Variants in SBNO2 observed in about 807,000 individuals in gnomAD.
The protein encoded by SBNO2 is protein strawberry notch homolog 2.
A neutral mutation model predicts 146.3 loss-of-function variants in SBNO2; 89 were observed. The observed-to-expected ratio is 0.61, with a 90% CI of 0.51 to 0.73. The LOEUF (loss-of-function observed/expected upper bound fraction) is 0.73. Among genes scored for constraint, SBNO2 ranks in the 30% least tolerant of loss-of-function variants. SBNO2 has a pLI of 0.00. For missense variants in SBNO2, 2,092 were observed against 2,003.7 expected (o/e 1.04, Z -0.84); for synonymous variants, 1,147 against 892.6 (o/e 1.29, Z -5.08).
chr19:1,128,068 G>A (rs1034020092), intron 4 of SBNO2: 8 of 524,376 alleles, frequency 1.5e-5, no homozygotes, highest in African/African-American at 5.7e-5. Flanking sequence ...TGCCTGCTTC[G>A]GCATCCAAAA....
intron 1 of SBNO2, chr19:1,154,985 C>T (rs746822355): frequency 1.3e-5 from 2 of 152,320 alleles, no homozygotes; most frequent in Admixed American, 1.3e-4. Flanking sequence ...GCTACAGAGC[C>T]GAGCCCCACA....
Position 1,150,450 on chromosome 19 carries a change from A to C in SBNO2, c.94-1008T>G, listed in dbSNP as rs577614529. ...AGACCCTGCCGTCACAGACGCCCCC[A>C]CAGTCACGGGGGAGACCCTGCCGTC... On this transcript the variant is annotated intron_variant, in intron 2 of 31. Coordinates refer to ENST00000361757, the MANE Select transcript of SBNO2 (RefSeq NM_014963.3). This position sits in a 1 kb window ranked among gnomAD's most constrained non-coding sequence, Gnocchi z 6.2. Among the ~76,000 whole-genome samples, 49 of 151,360 alleles carry C rather than the reference A, an allele frequency of 3.2e-4. No individual in the cohort carries two copies. Among genetic ancestry groups the C allele is most frequent in the African/African-American group, 1.2e-3 (48 of 41,138 alleles).
rs146917538 is a variant in SBNO2, at chr19:1,150,797, G to T, written c.94-1355C>A. On this transcript the variant is annotated intron_variant, in intron 2 of 31. Transcript: ENST00000361757. The surrounding 1 kb of genome is among the most constrained non-coding windows in gnomAD (Gnocchi z 6.2). The stretch of plus-strand genomic sequence containing the variant: ...CCTCACACTGGCTGGGAACCAGCCC[G>T]GATGGCCGGGGGCCACTTTCTGTAC... Among the ~76,000 whole-genome samples, 1 of 152,202 alleles carries T rather than the reference G, an allele frequency of 6.6e-6. No homozygotes were observed. The highest frequency in any genetic ancestry group is 1.5e-5 in the Non-Finnish European group (1 of 68,032).
At chr19:1,139,567 G>A (rs889605694) in intron 4 of SBNO2, among the ~76,000 whole-genome samples, 1 of 152,164 alleles carries the variant, frequency 6.6e-6, no homozygotes, top group Non-Finnish European at 1.5e-5. Context: ...GGCCGAGGCG[G>A]ATGGATCACC....
Position 1,153,200 on chromosome 19 carries a change from A to AAT in SBNO2, c.93+982_93+983dup, listed in dbSNP as rs1007049429. Among the ~76,000 whole-genome samples the AAT allele has an allele frequency of 6.9e-4, 104 of 151,346 alleles. 1 individual carries two copies. The highest frequency in any genetic ancestry group is 1.2e-3 in the Non-Finnish European group (84 of 67,824). On this transcript the variant is annotated intron_variant, in intron 2 of 31. Coordinates refer to ENST00000361757, the MANE Select transcript of SBNO2 (RefSeq NM_014963.3). ...AATAAAATGAAATAAAATAAAAATA[A>AAT]ATATATATATACACGTTTATATATT... is the stretch of plus-strand genomic sequence containing the variant.
At position 1,140,026 on chromosome 19, in the gene SBNO2, G is replaced by A. The variant is rs1017040629; in HGVS notation, c.279+7283C>T. 9.9e-5 allele frequency among the ~76,000 whole-genome samples: 15 copies of A among 152,106 alleles called. No homozygotes were observed. Among genetic ancestry groups the A allele is most frequent in the Non-Finnish European group, 2.1e-4 (14 of 68,022 alleles). On this transcript the variant is annotated intron_variant, in intron 4 of 31. Transcript: ENST00000361757. This position sits in a 1 kb window ranked among gnomAD's most constrained non-coding sequence, Gnocchi z 4.4. ...AATAAAGAAGAAATGCAGGCCGGGC[G>A]CGGTGGCTCACGCCTGTAATCCCAA...
chr19:1,115,972 A>C, intron 17 of SBNO2, 49 bp downstream of exon 17: 1 of 1,344,790 alleles, frequency 7.4e-7, no homozygotes, highest in Non-Finnish European at 1.0e-6. Context: ...CCCCGGGGGG[A>C]GAAAGCAGAG....
intron 4 of SBNO2, among the ~76,000 whole-genome samples, chr19:1,145,743 A>G: frequency 6.6e-6 from 1 of 151,842 alleles, no homozygotes; most frequent in East Asian, 1.9e-4. Flanking sequence ...TCCGGCTGGC[A>G]TGGCGCAGCA....
intron 1 of SBNO2, among the ~76,000 whole-genome samples, chr19:1,165,566 C>G (rs1042767734): frequency 6.6e-6 from 1 of 152,086 alleles, no homozygotes; most frequent in Non-Finnish European, 1.5e-5. Context: ...GAAACCACAT[C>G]TGGGGAACCA....
Position 1,109,319 on chromosome 19 carries a change from C to G in SBNO2, c.3321G>C (p.Leu1107=). The part of the protein sequence containing the change: ...NIGRQSQLEA[L]DSLRRKFHRV... ...GGTGGAACTTGCGGCGGAGGCTGTC[C>G]AGGGCCTCCAGCTGGCTCTGCCGGC... Residue 1107 remains leucine, a synonymous_variant, in exon 29 of 32, where the codon CTG becomes CTC. Transcript: ENST00000361757. The surrounding 1 kb of genome is among the most constrained non-coding windows in gnomAD (Gnocchi z 4.2). 6.3e-7 allele frequency: 1 copy of G among 1,596,946 alleles called. No individual in the cohort carries two copies. The highest frequency in any genetic ancestry group is 8.5e-7 in the Non-Finnish European group (1 of 1,173,090).
intron 1 of SBNO2, among the ~76,000 whole-genome samples, chr19:1,160,786 TC>T (rs1344290873): frequency 2.0e-5 from 3 of 152,062 alleles, no homozygotes; most frequent in Non-Finnish European, 4.4e-5. Flanking sequence ...CGCCTCGGCC[TC>T]CCAAAGTGCT....
At position 1,150,554 on chromosome 19, in the gene SBNO2, G is replaced by A. The variant is rs546620141; in HGVS notation, c.94-1112C>T. Among the ~76,000 whole-genome samples, 124 of 152,048 alleles carry A rather than the reference G, an allele frequency of 8.2e-4. No individual in the cohort carries two copies. The highest frequency in any genetic ancestry group is 2.1e-3 in the African/African-American group (88 of 41,500). ...GTCACGGGGGAGACCCTGCCGTCAC[G>A]GACGCCCCCGTGGTCATGGGGGAGA... On this transcript the variant is annotated intron_variant, in intron 2 of 31. Coordinates refer to ENST00000361757, the MANE Select transcript of SBNO2 (RefSeq NM_014963.3). The surrounding 1 kb of genome is among the most constrained non-coding windows in gnomAD (Gnocchi z 6.2).
intron 2 of SBNO2, among the ~76,000 whole-genome samples, chr19:1,152,778 G>A (rs1170051327): frequency 6.6e-6 from 1 of 152,284 alleles, no homozygotes; most frequent in East Asian, 1.9e-4. Flanking sequence ...TGTTGGGCTA[G>A]GGAGTACCCA....
chr19:1,112,286 G>C lies in SBNO2; in HGVS notation c.2531C>G (p.Ser844Cys). Residue 844 changes from serine (S) to cysteine (C), a missense_variant, in exon 22 of 32, where the codon TCC becomes TGC. Coordinates refer to ENST00000361757, the MANE Select transcript of SBNO2 (RefSeq NM_014963.3). This position sits in a 1 kb window ranked among gnomAD's most constrained non-coding sequence, Gnocchi z 5.9. ...ATACTCTGGCGCGGAGACCTGGTTGGACCGGTGGGTGCGGCCTGGGGGCAG... is the reference window on the plus strand; with the variant it reads ...ATACTCTGGCGCGGAGACCTGGTTGCACCGGTGGGTGCGGCCTGGGGGCAG... ...AIQQFGRTHR[S>C]NQVSAPEYVF... is the part of the protein sequence containing the mutation. 1 of 1,586,758 alleles carries C rather than the reference G, an allele frequency of 6.3e-7. No individual in the cohort carries two copies. The highest frequency in any genetic ancestry group is 8.6e-7 in the Non-Finnish European group (1 of 1,167,414).
At chr19:1,165,833 CCCCAGAT>C (rs2080412206) in intron 1 of SBNO2, among the ~76,000 whole-genome samples, 1 of 115,852 alleles carries the variant, frequency 8.6e-6, no homozygotes, top group Non-Finnish European at 1.9e-5. Context: ...GACCCCCAGA[CCCCAGAT>C]CCCAGATCTC....
chr19:1,125,683 GAA>G (rs970234432), intron 5 of SBNO2, among the ~76,000 whole-genome samples: 2 of 142,742 alleles, frequency 1.4e-5, no homozygotes, highest in African/African-American at 5.2e-5. Flanking sequence ...CTTAAAAAAA[GAA>G]AAAAAAAAGT....
In SBNO2 at chr19:1,109,540, G is replaced by C; in HGVS notation, c.3182C>G (p.Thr1061Arg). 6.2e-7 allele frequency: 1 copy of C among 1,601,336 alleles called. No individual in the cohort carries two copies. The highest frequency in any genetic ancestry group is 8.5e-7 in the Non-Finnish European group (1 of 1,175,180). Reference protein sequence around the residue: ...EDAFAKSLALTGPYDGFYLSY... With the variant: ...EDAFAKSLALRGPYDGFYLSY... ...GAGGTAGAAGCCGTCATAGGGGCCC[G>C]TCAGCGCCAGCGACTTGGCAAAGGC... Residue 1061 changes from threonine to arginine, a missense_variant, in exon 28 of 32, where the codon ACG becomes AGG. Physicochemically the swap from Thr to Arg is moderately conservative, Grantham distance 71 (BLOSUM62 -1). Transcript: ENST00000361757. The surrounding 1 kb of genome is among the most constrained non-coding windows in gnomAD (Gnocchi z 4.2).
intron 16 of SBNO2, 141 bp from the exon 17 acceptor site, chr19:1,116,244 G>A (rs577834212): frequency 6.7e-5 from 47 of 696,664 alleles, no homozygotes; most frequent in Non-Finnish European, 1.0e-4. Flanking sequence ...CCTGTGTGGA[G>A]TGGGCTGGGG....
At chr19:1,114,561 C>T in intron 17 of SBNO2, 139 bp from the exon 18 acceptor site, 2 of 690,968 alleles carry the variant, frequency 2.9e-6, no homozygotes, top group Non-Finnish European at 4.5e-6. Flanking sequence ...TCTGGGCAAG[C>T]AGCTCAGCTG....
Sources: gnomAD v4.1 joint callset for allele counts (sites outside exome capture counted in the v4.1 genomes callset) on GRCh38, gnomAD v4.1.1 for gene constraint, Gnocchi (gnomAD v3.1) non-coding constraint, MANE v1.5 for transcripts, NCBI Gene and HGNC (gene_info 2026-07-23, HGNC 2026-07-21) for gene names.